TAFA2: variants seen among roughly 807,000 people sequenced by gnomAD.
TAFA2 encodes the protein TAFA chemokine like family member 2.
A neutral mutation model predicts 18.8 loss-of-function variants in TAFA2; 7 were observed. That is an observed-to-expected ratio of 0.37 (90% CI 0.21 to 0.70). TAFA2 has a LOEUF of 0.70. Among genes scored for constraint, TAFA2 ranks in the 30% least tolerant of loss-of-function variants. TAFA2 has a pLI of 0.53. For synonymous variants in TAFA2, 60 were observed against 54.2 expected, an observed-to-expected ratio of 1.11 and a Z score of -0.47; for missense variants, 122 against 158.1, an observed-to-expected ratio of 0.77 and a Z score of 1.23.
At chr12:62,235,645 T>A (rs372019012) in intron 1 of TAFA2, 1 of 216,562 alleles carries the variant, frequency 4.6e-6, no homozygotes, top group African/African-American at 2.3e-5. Flanking sequence ...CCTTTGTTAC[T>A]GTCTTCCTCA....
intron 1 of TAFA2, among the ~76,000 whole-genome samples, chr12:62,190,321 T>G (rs769923346): frequency 2.6e-5 from 4 of 152,140 alleles, no homozygotes; most frequent in Non-Finnish European, 4.4e-5. Flanking sequence ...TCTCAAACTT[T>G]CCTTTGCAAA....
At chr12:61,989,957 C>T (rs370222062) in intron 1 of TAFA2, among the ~76,000 whole-genome samples, 46 of 152,296 alleles carry the variant, frequency 3.0e-4, no homozygotes, top group African/African-American at 1.1e-3. Context: ...CTCCTTACAA[C>T]TCAGTCTCTA....
chr12:62,005,661 A>G (rs1020776942), intron 1 of TAFA2, among the ~76,000 whole-genome samples: 1 of 152,108 alleles, frequency 6.6e-6, no homozygotes, highest in Non-Finnish European at 1.5e-5. Flanking sequence ...ACCAGAGAGG[A>G]TCAATGTTTT....
chr12:62,177,765 T>C (rs73130001), intron 1 of TAFA2, among the ~76,000 whole-genome samples: 13,493 of 152,164 alleles, frequency 0.089, 669 homozygotes, highest in Middle Eastern at 0.18. Context: ...TATTGACTCT[T>C]TTCTCTCCCA....
intron 1 of TAFA2, among the ~76,000 whole-genome samples, chr12:62,113,273 G>C (rs12423325): frequency 0.22 from 34,107 of 152,080 alleles, 4,201 homozygotes; most frequent in East Asian, 0.37. Context: ...TTTGCTGAAA[G>C]TCCACTCCAG....
chr12:61,753,868 G>T (rs1312001773), intron 3 of TAFA2, 122 bp from the exon 4 acceptor site: 4 of 688,544 alleles, frequency 5.8e-6, no homozygotes, highest in Non-Finnish European at 9.1e-6. Context: ...GGTATTTGAG[G>T]TATGCCTTTC....
intron 2 of TAFA2, among the ~76,000 whole-genome samples, chr12:61,851,583 T>C (rs1385322659): frequency 6.6e-6 from 1 of 150,396 alleles, no homozygotes; most frequent in Non-Finnish European, 1.5e-5. Context: ...GAGACCATCC[T>C]GGCTAACACG....
intron 1 of TAFA2, among the ~76,000 whole-genome samples, chr12:61,964,152 G>A (rs1384617405): frequency 2.0e-5 from 3 of 151,870 alleles, no homozygotes; most frequent in Non-Finnish European, 4.4e-5. Flanking sequence ...TACCATTCAG[G>A]ACATAGGCAT....
At chr12:61,751,196 T>C (rs980623775) in intron 4 of TAFA2, among the ~76,000 whole-genome samples, 6 of 152,110 alleles carry the variant, frequency 3.9e-5, no homozygotes, top group Admixed American at 3.9e-4. Flanking sequence ...ATCTTTTCAC[T>C]ATTTCAGTGG....
At chr12:61,838,300 T>C (rs4435053) in intron 2 of TAFA2, among the ~76,000 whole-genome samples, 43,035 of 151,886 alleles carry the variant, frequency 0.28, 6,824 homozygotes, top group South Asian at 0.4. Flanking sequence ...ACTCCTGCCC[T>C]TAATACAGTT....
At chr12:62,142,764 T>A (rs1016429595) in intron 1 of TAFA2, among the ~76,000 whole-genome samples, 6 of 152,128 alleles carry the variant, frequency 3.9e-5, no homozygotes, top group Non-Finnish European at 8.8e-5. Context: ...CTTGAAAAAC[T>A]CCAATGAAAA....
chr12:62,123,314 C>T (rs917660536), intron 1 of TAFA2, among the ~76,000 whole-genome samples: 1 of 151,946 alleles, frequency 6.6e-6, no homozygotes, highest in Non-Finnish European at 1.5e-5. Flanking sequence ...TTCACCTAAA[C>T]TTAAATAATC....
chr12:62,002,293 CT>C (rs934739913), intron 1 of TAFA2, among the ~76,000 whole-genome samples: 10 of 151,788 alleles, frequency 6.6e-5, no homozygotes, highest in Non-Finnish European at 8.8e-5. Context: ...CATAAAAGAC[CT>C]TTTTTAGTTT....
chr12:62,102,791 G>C (rs1869267911), intron 1 of TAFA2, among the ~76,000 whole-genome samples: 1 of 152,134 alleles, frequency 6.6e-6, no homozygotes, highest in South Asian at 2.1e-4. Flanking sequence ...GGAAAAATAA[G>C]CTAGCACATA....
intron 1 of TAFA2, chr12:62,234,962 C>T (rs192068053): frequency 1.0e-5 from 7 of 701,508 alleles, no homozygotes; most frequent in Non-Finnish European, 1.6e-5. Context: ...AAGGCATGGT[C>T]GAGGCCAACA....
intron 2 of TAFA2, among the ~76,000 whole-genome samples, chr12:61,768,292 CA>C (rs930143803): frequency 1.3e-4 from 20 of 151,772 alleles, no homozygotes; most frequent in East Asian, 7.8e-4. Context: ...CACTGTCAGT[CA>C]AAAAAAATGG....
chr12:62,217,438 A>C (rs2062740275), intron 1 of TAFA2, among the ~76,000 whole-genome samples: 1 of 152,228 alleles, frequency 6.6e-6, no homozygotes, highest in Non-Finnish European at 1.5e-5. Context: ...GTAGACAGAG[A>C]GAAAAGACAA....
intron 1 of TAFA2, among the ~76,000 whole-genome samples, chr12:61,959,480 T>A (rs1236496281): frequency 6.6e-6 from 1 of 152,098 alleles, no homozygotes; most frequent in Non-Finnish European, 1.5e-5. Flanking sequence ...AATCTATTGA[T>A]TCCTTTTGTT....
chr12:61,836,657 C>T (rs1277976511), intron 2 of TAFA2, among the ~76,000 whole-genome samples: 1 of 149,636 alleles, frequency 6.7e-6, no homozygotes, highest in Non-Finnish European at 1.5e-5. Context: ...TTCAAAACAG[C>T]TTATTTGAAA....
Sources: gnomAD v4.1 joint callset for allele counts (sites outside exome capture counted in the v4.1 genomes callset) on GRCh38, gnomAD v4.1.1 for gene constraint, MANE v1.5 for transcripts, NCBI Gene and HGNC (gene_info 2026-07-23, HGNC 2026-07-21) for gene names.